ADGRF3: variants seen among roughly 807,000 people sequenced by gnomAD.
ADGRF3 encodes G protein-coupled receptor 113.
Under a neutral mutation model 93.2 loss-of-function variants are expected in ADGRF3, and 85 were observed. The observed-to-expected ratio is 0.91, with a 90% confidence interval of 0.77 to 1.09. The LOEUF is 1.09. Among genes scored for constraint, ADGRF3 ranks in the 50% least tolerant of loss-of-function variants. ADGRF3 has a pLI of 0.00. For missense variants in ADGRF3, 1,125 were observed against 1,246.2 expected, an observed-to-expected ratio of 0.90 and a Z score of 1.46; for synonymous variants, 534 against 532.5, an observed-to-expected ratio of 1.00 and a Z score of -0.04.
In ADGRF3 at chr2:26,313,918, A is replaced by C; in HGVS notation, c.929-15T>G. On this transcript the variant is annotated splice_polypyrimidine_tract_variant and intron_variant, in intron 6 of 13. Transcript: ENST00000651242. ...GAAGGAGGAAGCTGAAGGCAAAACG[A>C]AGAAGGGAACTGTCATTGGGCCAGG... 1 of 1,613,678 alleles carries C rather than the reference A, an allele frequency of 6.2e-7. No individual in the cohort carries two copies.
At chr2:26,337,567 A>G (rs1434896256) in intron 1 of ADGRF3, among the ~76,000 whole-genome samples, 2 of 152,334 alleles carry the variant, frequency 1.3e-5, no homozygotes, top group South Asian at 4.1e-4. Flanking sequence ...ATTTTGAGTA[A>G]CTTGTTACAT....
At chr2:26,315,811 C>T (rs1399898521) in intron 4 of ADGRF3, 71 bp from the exon 5 acceptor site, 7 of 1,540,574 alleles carry the variant, frequency 4.5e-6, no homozygotes, top group Non-Finnish European at 4.4e-6. Context: ...CGAGCAATGG[C>T]TTCTCCCCTG....
Position 26,314,511 on chromosome 2 carries a change from G to A in ADGRF3, c.831C>T (p.Ile277=), listed in dbSNP as rs1674481690. ...GGAAGCCAGGGGAGGTGGCACAGGA[G>A]ATGGACAGCTGGTATGGAAGTCGAG... The part of the protein sequence containing the change: ...DVARLPYQLS[I]SCATSPGFQL... Residue 277 remains isoleucine (I), a synonymous_variant, in exon 6 of 14, where the codon ATC becomes ATT. Transcript: ENST00000651242. 6.2e-7 allele frequency: 1 copy of A among 1,613,964 alleles called. No homozygotes were observed. The highest frequency in any genetic ancestry group is 8.5e-7 in the Non-Finnish European group (1 of 1,179,904).
Position 26,313,494 on chromosome 2 carries a change from T to G in ADGRF3, c.1152A>C (p.Pro384=). Residue 384 remains proline, a synonymous_variant, in exon 8 of 14, where the codon CCA becomes CCC. Coordinates refer to ENST00000651242, the MANE Select transcript of ADGRF3 (RefSeq NM_001321971.2). ...CTATGCCCCTCTTGCTCTCAGGACA[T>G]GGGGCCTGTGCCACGTGGCCAGCCT... ...VTKAGHVAQA[P]CPESKRGIVR... The G allele has an allele frequency of 6.2e-7, 1 of 1,612,058 alleles. No individual in the cohort carries two copies. The highest frequency in any genetic ancestry group is 8.5e-7 in the Non-Finnish European group (1 of 1,179,238).
intron 1 of ADGRF3, among the ~76,000 whole-genome samples, chr2:26,328,585 C>A (rs1675583143): frequency 6.6e-6 from 1 of 151,848 alleles, no homozygotes; most frequent in Admixed American, 6.6e-5. Flanking sequence ...TCCTGAGTAG[C>A]TGGGACCACA....
intron 1 of ADGRF3, among the ~76,000 whole-genome samples, chr2:26,345,088 G>A (rs1444366395): frequency 6.6e-6 from 1 of 152,148 alleles, no homozygotes; most frequent in Admixed American, 6.5e-5. Flanking sequence ...ATTTCATGTT[G>A]GGTCGATCAT....
Position 26,310,041 on chromosome 2 carries a change from A to C in ADGRF3, c.2937+2T>G. 6.2e-7 allele frequency: 1 copy of C among 1,614,012 alleles called. No homozygotes were observed. Among genetic ancestry groups the C allele is most frequent in the Non-Finnish European group, 8.5e-7 (1 of 1,179,892 alleles). On this transcript the variant is annotated splice_donor_variant, in intron 12 of 13. Coordinates refer to ENST00000651242, the MANE Select transcript of ADGRF3 (RefSeq NM_001321971.2). LOFTEE classifies it high-confidence loss of function. ...GCTGAGGATCTGAAGGCAGCAACTC[A>C]CCAGGGAGATGGTGGAGCTGGGGGC...
rs182120616 is a variant in ADGRF3, at chr2:26,320,070, T to C, written c.115-2508A>G. ...GCCAAAAAGGAAATAAATTTGACTG[T>C]CTAAAAACTTTTAAGTTTGGCCTAA... On this transcript the variant is annotated intron_variant, in intron 1 of 13. Transcript: ENST00000651242. 3.9e-5 allele frequency among the ~76,000 whole-genome samples: 6 copies of C among 152,334 alleles called. No individual in the cohort carries two copies. In the East Asian group the frequency reaches 1.2e-3, roughly 29 times the overall value.
At chr2:26,322,995 C>A (rs143123955) in intron 1 of ADGRF3, among the ~76,000 whole-genome samples, 2,361 of 151,984 alleles carry the variant, frequency 0.016, 59 homozygotes, top group African/African-American at 0.053. Context: ...AAAAATTAGC[C>A]AGGGGTGGTG....
At chr2:26,314,094 G>A (rs765674017) in intron 6 of ADGRF3, among the ~76,000 whole-genome samples, 191 bp from the exon 7 acceptor site, 5 of 152,096 alleles carry the variant, frequency 3.3e-5, no homozygotes, top group Non-Finnish European at 5.9e-5. Flanking sequence ...GGGACTGTGG[G>A]GTCTCTAACA....
Position 26,308,409 on chromosome 2 carries a change from T to G in ADGRF3, c.*677A>C, listed in dbSNP as rs1280976495. ...TTCTTCTAGTATTCATTTTTAAATA[T>G]AAATTAAACTTTATTAATTGATATA... On this transcript the variant is annotated 3_prime_UTR_variant, in exon 14 of 14. Coordinates refer to ENST00000651242, the MANE Select transcript of ADGRF3 (RefSeq NM_001321971.2). The G allele has an allele frequency of 6.6e-6, 1 of 151,608 alleles. No homozygotes were observed. 9.4% of individuals were successfully genotyped at this position (151,608 alleles called of 1,614,324 possible). A position where few individuals can be genotyped will look rare whatever the true frequency, so the allele number is the denominator to read the frequency against.
Position 26,313,251 on chromosome 2 carries a change from C to A in ADGRF3, c.1269+126G>T. 3.5e-6 allele frequency: 5 copies of A among 1,424,120 alleles called. No individual in the cohort carries two copies. The Middle Eastern group carries it at 5.6e-4, about 161-fold the overall frequency. 88.2% of individuals were successfully genotyped at this position (1,424,120 alleles called of 1,614,324 possible). On this transcript the variant is annotated intron_variant, in intron 8 of 13. Transcript: ENST00000651242. ...CTCCTACTTCCTGGCTCTGCTAGGG[C>A]TCCACTTCAGAGAAGCTGAACAGCC...
In ADGRF3 at chr2:26,316,902, C is replaced by T. The variant is rs756019496; in HGVS notation, c.325+10G>A. Reference sequence around the variant, plus strand: ...ATTCACTCTCAGCCCCCTTCCCACGCAAGTGGTACCTGTTGTGAGTCTGAG... The same window carrying T: ...ATTCACTCTCAGCCCCCTTCCCACGTAAGTGGTACCTGTTGTGAGTCTGAG... On this transcript the variant is annotated intron_variant, in intron 3 of 13. Transcript: ENST00000651242. The T allele has an allele frequency of 1.3e-6, 2 of 1,592,516 alleles. No individual in the cohort carries two copies. Among genetic ancestry groups the T allele is most frequent in the Non-Finnish European group, 1.7e-6 (2 of 1,172,890 alleles).
At chr2:26,312,799 G>T in intron 9 of ADGRF3, 144 bp downstream of exon 9, 2 of 712,368 alleles carry the variant, frequency 2.8e-6, no homozygotes, top group Non-Finnish European at 2.3e-6. Flanking sequence ...GAGGAGAAAT[G>T]GATCAGGAGC....
chr2:26,335,642 GT>G (rs34187680), intron 1 of ADGRF3, among the ~76,000 whole-genome samples: 48,546 of 150,264 alleles, frequency 0.32, 8,044 homozygotes, highest in Middle Eastern at 0.43. Flanking sequence ...TGCCAACGCT[GT>G]TTTTTTTTTC....
At chr2:26,320,262 C>T (rs564720870) in intron 1 of ADGRF3, among the ~76,000 whole-genome samples, 7 of 152,152 alleles carry the variant, frequency 4.6e-5, no homozygotes, top group South Asian at 4.1e-4. Context: ...TTTGGGAGGC[C>T]GAGGTGAGTG....
intron 1 of ADGRF3, among the ~76,000 whole-genome samples, chr2:26,326,930 C>T (rs557538478): frequency 1.3e-5 from 2 of 152,258 alleles, no homozygotes; most frequent in Admixed American, 6.5e-5. Context: ...CCACCACTCC[C>T]GGCTAATTTT....
intron 1 of ADGRF3, among the ~76,000 whole-genome samples, chr2:26,338,360 G>C (rs1247027695): frequency 6.6e-6 from 1 of 152,106 alleles, no homozygotes; most frequent in Non-Finnish European, 1.5e-5. Context: ...AAAAAACAAA[G>C]AGAGAGAGAG....
chr2:26,313,561 G>A lies in ADGRF3; in HGVS notation c.1085C>T (p.Thr362Ile), dbSNP rs556538261. The A allele has an allele frequency of 6.2e-7, 1 of 1,606,236 alleles. No homozygotes were observed. The highest frequency in any genetic ancestry group is 8.5e-7 in the Non-Finnish European group (1 of 1,178,106). Residue 362 changes from threonine to isoleucine, a missense_variant, in exon 8 of 14, where the codon ACC becomes ATC. Physicochemically the swap from Thr to Ile is moderately conservative, Grantham distance 89 (BLOSUM62 -1). Coordinates refer to ENST00000651242, the MANE Select transcript of ADGRF3 (RefSeq NM_001321971.2). The stretch of plus-strand genomic sequence containing the variant: ...GAGCACCGAGGCGTCCTCAGGGCAG[G>A]TGATGTCTCCATCTGAAGAATGACG... ...SITIIQDGDITCPEDASVLTW... is the reference protein window; with the variant it reads ...SITIIQDGDIICPEDASVLTW...
Sources: gnomAD v4.1 joint callset for allele counts (sites outside exome capture counted in the v4.1 genomes callset) on GRCh38, gnomAD v4.1.1 for gene constraint, MANE v1.5 for transcripts, NCBI Gene and HGNC (gene_info 2026-07-23, HGNC 2026-07-21) for gene names.